Variants in CCDC30 observed in about 807,000 individuals in gnomAD.
CCDC30 encodes the protein coiled-coil domain-containing protein 30.
In CCDC30, 70 loss-of-function variants were observed where a neutral mutation model predicts 100.2. That is an observed-to-expected ratio of 0.70 (90% confidence interval 0.58 to 0.85). The LOEUF (loss-of-function observed/expected upper bound fraction) is 0.85, where lower values mean the gene tolerates loss of function less well. Ranked by LOEUF, CCDC30 falls within the 40% of genes least tolerant of loss-of-function variation. The probability of loss-of-function intolerance (pLI) is 0.00; values close to 1 mark genes in which losing one functional copy is unlikely to be tolerated. For missense variants in CCDC30, 652 were observed against 771.2 expected, an observed-to-expected ratio of 0.85 and a Z score of 1.83; for synonymous variants, 233 against 269.5, an observed-to-expected ratio of 0.86 and a Z score of 1.33.
chr1:42,653,781 CTA>C lies in CCDC30; in HGVS notation c.1923-35_1923-34del, dbSNP rs767196597. On this transcript the variant is annotated intron_variant, in intron 16 of 16. Transcript: ENST00000668663. ...AACCCCGAACTGCTACCAACAAACT[CTA>C]TGTACATGATGTCCTCACATATGGC... 3 of 1,514,314 alleles carry C rather than the reference CTA, an allele frequency of 2.0e-6. No individual in the cohort carries two copies. In the South Asian group the frequency reaches 3.4e-5, roughly 17 times the overall value. 93.8% of individuals were successfully genotyped at this position (1,514,314 alleles called of 1,614,324 possible). A position where few individuals can be genotyped will look rare whatever the true frequency, so the allele number is the denominator to read the frequency against.
chr1:42,639,660 A>G (rs1345810955), intron 12 of CCDC30, among the ~76,000 whole-genome samples: 1 of 152,208 alleles, frequency 6.6e-6, no homozygotes, highest in African/African-American at 2.4e-5. Context: ...GTCTCTGTGT[A>G]TCACTTTCCT....
intron 1 of CCDC30, among the ~76,000 whole-genome samples, chr1:42,475,163 T>C (rs933799913): frequency 1.3e-5 from 2 of 152,060 alleles, no homozygotes; most frequent in Non-Finnish European, 2.9e-5. Flanking sequence ...GGAAACATAG[T>C]GTATGATAAT....
intron 8 of CCDC30, chr1:42,581,017 T>C (rs1243764030): frequency 2.8e-6 from 1 of 362,732 alleles, no homozygotes; most frequent in East Asian, 7.5e-5. Context: ...TTTTGTATTT[T>C]TTTGTAAATA....
intron 6 of CCDC30, among the ~76,000 whole-genome samples, chr1:42,538,254 C>T (rs1644946116): frequency 6.7e-6 from 1 of 150,236 alleles, no homozygotes; most frequent in Non-Finnish European, 1.5e-5. Flanking sequence ...CACTTGAGCC[C>T]AGGAGGTCAA....
At position 42,496,561 on chromosome 1, in the gene CCDC30, T is replaced by C. The variant is rs572453530; in HGVS notation, c.242-537T>C. 7.9e-5 allele frequency among the ~76,000 whole-genome samples: 12 copies of C among 152,274 alleles called. No homozygotes were observed. In the South Asian group the frequency reaches 2.3e-3, roughly 29 times the overall value. ...TGAAGGTGGGATAAAAATATTCACTTTGAACAAAACTATGTAGTTTGATTA... is the reference window on the plus strand; with the variant it reads ...TGAAGGTGGGATAAAAATATTCACTCTGAACAAAACTATGTAGTTTGATTA... On this transcript the variant is annotated intron_variant, in intron 4 of 16. Coordinates refer to ENST00000668663, the Ensembl canonical transcript of CCDC30.
intron 11 of CCDC30, among the ~76,000 whole-genome samples, chr1:42,636,436 T>G (rs1647157666): frequency 1.3e-5 from 2 of 151,696 alleles, no homozygotes; most frequent in Admixed American, 6.6e-5. Flanking sequence ...AGGTCCAGAC[T>G]CAATGCAAGG....
At position 42,581,358 on chromosome 1, in the gene CCDC30, A is replaced by G; in HGVS notation, c.847-2A>G. ...TTACTTGTAAATGTTTTTTCATTCA[A>G]GATTTTGGACCTGCAGCGGAAATTA... On this transcript the variant is annotated splice_acceptor_variant, in intron 8 of 16. Coordinates refer to ENST00000668663, the Ensembl canonical transcript of CCDC30. LOFTEE classifies it high-confidence loss of function. 4 of 1,590,138 alleles carry G rather than the reference A, an allele frequency of 2.5e-6. No homozygotes were observed. The highest frequency in any genetic ancestry group is 3.4e-6 in the Non-Finnish European group (4 of 1,173,300).
intron 11 of CCDC30, among the ~76,000 whole-genome samples, chr1:42,621,615 C>A (rs1646834364): frequency 6.6e-6 from 1 of 152,032 alleles, no homozygotes; most frequent in African/African-American, 2.4e-5. Context: ...GGGTTCACGC[C>A]ATTCTCCTGC....
intron 1 of CCDC30, among the ~76,000 whole-genome samples, chr1:42,476,991 G>C (rs1395589410): frequency 1.3e-5 from 2 of 149,922 alleles, no homozygotes; most frequent in Admixed American, 6.6e-5. Flanking sequence ...CTTTCTACTG[G>C]GTAGACTGAA....
chr1:42,651,961 G>A (rs982987211), intron 15 of CCDC30, among the ~76,000 whole-genome samples: 1 of 137,058 alleles, frequency 7.3e-6, no homozygotes, highest in African/African-American at 2.7e-5. Context: ...ATATAAATTA[G>A]TACAGCAATT....
intron 6 of CCDC30, among the ~76,000 whole-genome samples, chr1:42,520,517 A>G (rs571139016): frequency 2.0e-5 from 3 of 149,904 alleles, no homozygotes; most frequent in East Asian, 4.0e-4. Context: ...TTTTTAGTAG[A>G]GACAGGGTTT....
chr1:42,589,696 G>A (rs1646146470), intron 10 of CCDC30: 1 of 381,502 alleles, frequency 2.6e-6, no homozygotes, highest in Non-Finnish European at 4.7e-6. Flanking sequence ...GGAGAGTAGA[G>A]TCAGAAAGGA....
chr1:42,508,218 G>A (rs925095205), intron 6 of CCDC30, among the ~76,000 whole-genome samples: 2 of 152,204 alleles, frequency 1.3e-5, no homozygotes, highest in South Asian at 2.1e-4. Flanking sequence ...AATAAAGGGT[G>A]CCATTTTATA....
At chr1:42,634,732 G>A (rs977298503) in intron 11 of CCDC30, among the ~76,000 whole-genome samples, 6 of 151,960 alleles carry the variant, frequency 3.9e-5, no homozygotes, top group Admixed American at 1.3e-4. Context: ...CAATTCACTC[G>A]TTTAAAGTGT....
At chr1:42,589,997 T>C (rs1221373506) in intron 10 of CCDC30, 3 of 152,558 alleles carry the variant, frequency 2.0e-5, no homozygotes, top group Non-Finnish European at 4.4e-5. Flanking sequence ...TCATTGGAGG[T>C]GGGGCTTAAC....
intron 4 of CCDC30, chr1:42,492,011 T>C (rs1644150966): frequency 3.1e-6 from 2 of 651,366 alleles, no homozygotes; most frequent in Admixed American, 4.5e-5. Flanking sequence ...CTGAAGATGT[T>C]CAGGAAAAAA....
At chr1:42,653,791 G>C (rs1166883808) in intron 16 of CCDC30, 27 bp from the exon 21 acceptor site, 10 of 1,557,876 alleles carry the variant, frequency 6.4e-6, no homozygotes, top group Non-Finnish European at 8.8e-6. Context: ...CTATGTACAT[G>C]ATGTCCTCAC....
intron 11 of CCDC30, among the ~76,000 whole-genome samples, chr1:42,624,433 G>A (rs1305867162): frequency 1.3e-5 from 2 of 152,108 alleles, no homozygotes; most frequent in Admixed American, 6.5e-5. Context: ...AATCCCACAT[G>A]GTCATGATGA....
intron 4 of CCDC30, chr1:42,492,024 TA>T: frequency 3.5e-6 from 2 of 573,090 alleles, no homozygotes; most frequent in South Asian, 2.1e-5. Context: ...GGAAAAAAAC[TA>T]ACTTCCAGGG....
Sources: gnomAD v4.1 joint callset for allele counts (sites outside exome capture counted in the v4.1 genomes callset) on GRCh38, gnomAD v4.1.1 for gene constraint, MANE v1.5 for transcripts, NCBI Gene and HGNC (gene_info 2026-07-23, HGNC 2026-07-21) for gene names.